Variants in PDE4B observed in about 807,000 individuals in gnomAD.
PDE4B encodes 3',5'-cyclic-AMP phosphodiesterase 4B.
PDE4B carries 20 observed loss-of-function variants against 82.2 expected under a neutral mutation model. The ratio of observed to expected loss-of-function variants is 0.24; its 90% CI spans 0.17 to 0.35. The LOEUF is 0.35. PDE4B is among the 10% of genes least tolerant of loss of function. The pLI, the probability that PDE4B is intolerant of heterozygous loss-of-function variation, is 1.00. For missense variants in PDE4B, 655 were observed against 907.2 expected, an observed-to-expected ratio of 0.72 and a Z score of 3.57; for synonymous variants, 320 against 318.9, an observed-to-expected ratio of 1.00 and a Z score of -0.04.
chr1:65,860,279 T>G (rs185965589), intron 1 of PDE4B, among the ~76,000 whole-genome samples: 1 of 152,312 alleles, frequency 6.6e-6, no homozygotes, highest in African/African-American at 2.4e-5. Context: ...CTCCCACTTG[T>G]GAGTGAGAAC....
intron 7 of PDE4B, among the ~76,000 whole-genome samples, chr1:66,295,708 G>T (rs114696002): frequency 2.6e-5 from 4 of 152,058 alleles, no homozygotes; most frequent in Admixed American, 1.3e-4. Context: ...GGAGTGAGCC[G>T]CTGTGCCCGG....
intron 3 of PDE4B, among the ~76,000 whole-genome samples, chr1:65,974,091 G>A (rs1032571493): frequency 6.6e-6 from 1 of 152,172 alleles, no homozygotes; most frequent in Admixed American, 6.5e-5. Context: ...GGAATTACAG[G>A]TGTGAGCCAC....
At chr1:65,956,964 A>C (rs193167592) in intron 3 of PDE4B, among the ~76,000 whole-genome samples, 1 of 152,224 alleles carries the variant, frequency 6.6e-6, no homozygotes, top group East Asian at 1.9e-4. Context: ...AGGTATGTAC[A>C]GGTATCTCAT....
At chr1:66,245,133 A>G (rs570546297) in intron 3 of PDE4B, among the ~76,000 whole-genome samples, 13 of 152,340 alleles carry the variant, frequency 8.5e-5, no homozygotes, top group Admixed American at 7.2e-4. Context: ...CTGGCACTGC[A>G]TGAGCACTGA....
chr1:66,074,823 T>C (rs1312135726), intron 3 of PDE4B, among the ~76,000 whole-genome samples: 1 of 152,186 alleles, frequency 6.6e-6, no homozygotes, highest in Non-Finnish European at 1.5e-5. Context: ...TTCATTCCTT[T>C]TTATGGCTGA....
intron 3 of PDE4B, chr1:66,152,513 A>C (rs1570352120): frequency 6.1e-6 from 2 of 328,718 alleles, no homozygotes; most frequent in East Asian, 1.5e-4. Flanking sequence ...ATGGTTCTCC[A>C]GAGAAACAGA....
At chr1:66,059,800 G>C (rs1374654710) in intron 3 of PDE4B, among the ~76,000 whole-genome samples, 1 of 152,086 alleles carries the variant, frequency 6.6e-6, no homozygotes, top group Non-Finnish European at 1.5e-5. Flanking sequence ...TATATATTCA[G>C]GTATCTTAAT....
Position 65,793,165 on chromosome 1 carries a change from C to G in PDE4B, c.-154C>G, listed in dbSNP as rs538879381. The stretch of plus-strand genomic sequence containing the variant: ...GGTCTACCCGCGCCGGGCGGAGCCC[C>G]GGCGTCCAGAGCGCTGCGGCCGCGG... On this transcript the variant is annotated 5_prime_UTR_variant, in exon 1 of 17. Transcript: ENST00000341517. 1.3e-5 allele frequency: 2 copies of G among 152,304 alleles called. No individual in the cohort carries two copies. The highest frequency in any genetic ancestry group is 1.5e-5 in the Non-Finnish European group (1 of 68,072). 9.4% of individuals were successfully genotyped at this position (152,304 alleles called of 1,614,324 possible).
At chr1:65,806,808 C>T (rs542536268) in intron 1 of PDE4B, among the ~76,000 whole-genome samples, 8 of 152,300 alleles carry the variant, frequency 5.3e-5, no homozygotes, top group African/African-American at 1.9e-4. Context: ...TGACCAAACT[C>T]TCATTACTGC....
intron 3 of PDE4B, among the ~76,000 whole-genome samples, chr1:66,087,915 G>A (rs1644921212): frequency 6.6e-6 from 1 of 151,058 alleles, no homozygotes; most frequent in South Asian, 2.1e-4. Flanking sequence ...TATACCTAAT[G>A]CTAGATGACG....
intron 8 of PDE4B, among the ~76,000 whole-genome samples, chr1:66,339,654 G>A (rs1158167462): frequency 6.6e-6 from 1 of 152,050 alleles, no homozygotes; most frequent in African/African-American, 2.4e-5. Flanking sequence ...CATTTTAAGG[G>A]GAGTATCTTT....
chr1:65,958,078 T>C (rs1223391635), intron 3 of PDE4B, among the ~76,000 whole-genome samples: 4 of 152,146 alleles, frequency 2.6e-5, no homozygotes, highest in African/African-American at 9.6e-5. Flanking sequence ...TGTTTCATAT[T>C]GTACAGGGAA....
chr1:66,210,399 C>T (rs1286531333), intron 3 of PDE4B, among the ~76,000 whole-genome samples: 1 of 151,730 alleles, frequency 6.6e-6, no homozygotes, highest in East Asian at 1.9e-4. Flanking sequence ...AGATTGAGAC[C>T]AGCCTGACCA....
chr1:66,122,709 T>TC (rs1645737084), intron 3 of PDE4B, among the ~76,000 whole-genome samples: 2 of 146,920 alleles, frequency 1.4e-5, no homozygotes, highest in African/African-American at 2.5e-5. Flanking sequence ...TTTTCTTTTT[T>TC]TTTTTTTTTT....
intron 3 of PDE4B, among the ~76,000 whole-genome samples, chr1:65,919,704 A>C (rs759509076): frequency 1.3e-5 from 2 of 152,080 alleles, no homozygotes; most frequent in Non-Finnish European, 2.9e-5. Flanking sequence ...ACATTATTGT[A>C]GTAAATTATT....
At chr1:66,198,226 T>G (rs1423373134) in intron 3 of PDE4B, among the ~76,000 whole-genome samples, 1 of 152,158 alleles carries the variant, frequency 6.6e-6, no homozygotes. Flanking sequence ...AATCATTTCT[T>G]AAACCTAATA....
chr1:65,914,603 TAAAA>T (rs56913869), intron 2 of PDE4B, among the ~76,000 whole-genome samples: 1 of 139,826 alleles, frequency 7.2e-6, no homozygotes. Context: ...CTTTTTTTCT[TAAAA>T]AAAAAAAAAA....
At chr1:65,850,087 A>C (rs576789481) in intron 1 of PDE4B, among the ~76,000 whole-genome samples, 6 of 147,266 alleles carry the variant, frequency 4.1e-5, no homozygotes, top group Admixed American at 1.4e-4. Flanking sequence ...ATCATCACCA[A>C]CGCTTAGTAG....
chr1:65,886,535 A>C (rs1646779009), intron 1 of PDE4B, among the ~76,000 whole-genome samples: 1 of 151,998 alleles, frequency 6.6e-6, no homozygotes, highest in Non-Finnish European at 1.5e-5. Context: ...CTCCCTACCC[A>C]TCTACTTACA....
Sources: allele counts gnomAD v4.1 joint callset (sites outside exome capture counted in the v4.1 genomes callset), GRCh38; gene constraint gnomAD v4.1.1; transcripts MANE v1.5; gene names NCBI Gene and HGNC (gene_info 2026-07-23, HGNC 2026-07-21).